Variants in TECPR1 observed in about 807,000 individuals in gnomAD.
The protein encoded by TECPR1 is tectonin beta-propeller repeat containing 1, also known as tectonin beta-propeller repeat-containing protein 1.
A neutral mutation model predicts 162.4 loss-of-function variants in TECPR1; 122 were observed. The observed-to-expected ratio is 0.75, with a 90% CI of 0.65 to 0.87. The LOEUF (loss-of-function observed/expected upper bound fraction) is 0.87, where lower values mean the gene tolerates loss of function less well. Ranked by LOEUF, TECPR1 falls within the 40% of genes least tolerant of loss-of-function variation. The pLI, the probability that TECPR1 is intolerant of heterozygous loss-of-function variation, is 0.00. For synonymous variants in TECPR1, 642 were observed against 670.6 expected (o/e 0.96, Z 0.66); for missense variants, 1,432 against 1,618.2 (o/e 0.88, Z 1.97).
chr7:98,221,843 C>T (rs758495571), intron 22 of TECPR1, 90 bp from the exon 23 acceptor site: 29 of 992,334 alleles, frequency 2.9e-5, no homozygotes, highest in African/African-American at 4.9e-5. Flanking sequence ...AGCTGCCTCT[C>T]GGATGTGTAG....
At position 98,232,079 on chromosome 7, in the gene TECPR1, C is replaced by G; in HGVS notation, c.1819-120G>C. The G allele has an allele frequency of 1.8e-6, 2 of 1,087,918 alleles. No homozygotes were observed. Among genetic ancestry groups the G allele is most frequent in the East Asian group, 2.6e-5 (1 of 38,226 alleles). 67.4% of individuals were successfully genotyped at this position (1,087,918 alleles called of 1,614,324 possible). A position where few individuals can be genotyped will look rare whatever the true frequency, so the allele number is the denominator to read the frequency against. ...CTGGGGTAGGGCCCACCCAGCACTC[C>G]CGGCTGTCAGCCCAGCTCCCCCTAT... is the stretch of plus-strand genomic sequence containing the variant. On this transcript the variant is annotated intron_variant, in intron 12 of 25. Transcript: ENST00000447648. The surrounding 1 kb of genome is among the most constrained non-coding windows in gnomAD (Gnocchi z 4.6).
At chr7:98,236,550 C>T (rs898412073) in intron 10 of TECPR1, among the ~76,000 whole-genome samples, 8 of 151,760 alleles carry the variant, frequency 5.3e-5, no homozygotes, top group African/African-American at 1.9e-4. Context: ...GTATGTCAAA[C>T]ACCTCCAGTG....
chr7:98,226,705 A>G, intron 17 of TECPR1: 2 of 1,213,088 alleles, frequency 1.6e-6, no homozygotes, highest in Non-Finnish European at 1.1e-6. Flanking sequence ...TGGGAGGCTG[A>G]GGCGGGCTTC....
chr7:98,246,587 T>C (rs899630958), intron 2 of TECPR1, among the ~76,000 whole-genome samples: 1 of 151,536 alleles, frequency 6.6e-6, no homozygotes, highest in Non-Finnish European at 1.5e-5. Context: ...TTTCTTTTTT[T>C]GTTTATTTTT....
At position 98,218,041 on chromosome 7, in the gene TECPR1, T is replaced by C; in HGVS notation, c.3159A>G (p.Gly1053=). ...QTSVYALDEN[G]NLWYRQGITP... is the part of the protein sequence containing the mutation. ...TGATCCCTTGGCGATACCACAGGTT[T>C]CCTGGGGAGAAAAGCAGTGAGGGTC... The change falls in exon 24 of 26, where the codon GGA becomes GGG. Residue 1053 remains glycine, a splice_region_variant and synonymous_variant. Coordinates refer to ENST00000447648, the MANE Select transcript of TECPR1 (RefSeq NM_015395.3). 1 of 1,560,774 alleles carries C rather than the reference T, an allele frequency of 6.4e-7. No homozygotes were observed. Among genetic ancestry groups the C allele is most frequent in the Non-Finnish European group, 8.7e-7 (1 of 1,152,984 alleles).
intron 10 of TECPR1, among the ~76,000 whole-genome samples, chr7:98,235,538 A>AAG (rs1404879677): frequency 1.3e-5 from 2 of 149,188 alleles, no homozygotes; most frequent in Non-Finnish European, 3.0e-5. Flanking sequence ...AAAAAAAAAA[A>AAG]AAGAACTACC....
chr7:98,217,910 G>T (rs1798054774), intron 24 of TECPR1, 26 bp downstream of exon 24: 2 of 1,548,976 alleles, frequency 1.3e-6, no homozygotes, highest in East Asian at 4.9e-5. Context: ...CACCCCAAGT[G>T]CCCGATACCC....
rs748912401 is a variant in TECPR1, at chr7:98,244,899, G to A, written c.394C>T (p.Pro132Ser). The A allele has an allele frequency of 1.1e-4, 183 of 1,612,992 alleles. 2 individuals carry two copies. The South Asian group carries it at 1.6e-3, about 15-fold the overall frequency. Residue 132 changes from proline to serine, a missense_variant, in exon 4 of 26, where the codon CCC becomes TCC. By Grantham distance (74) the Pro-to-Ser change is moderately conservative. Transcript: ENST00000447648. ...AGTTCACCTACCCCTTTCTCAGTGGGTTCACCTCCAAAATTCTCATCCACG... is the reference window on the plus strand; with the variant it reads ...AGTTCACCTACCCCTTTCTCAGTGGATTCACCTCCAAAATTCTCATCCACG... ...WYVDENFGGEPTEKGGWTYAI... is the reference protein window; with the variant it reads ...WYVDENFGGESTEKGGWTYAI...
intron 5 of TECPR1, 84 bp from the exon 6 acceptor site, chr7:98,243,676 CG>C: frequency 6.7e-7 from 1 of 1,500,318 alleles, no homozygotes; most frequent in South Asian, 1.3e-5. Context: ...GCCTGCCATC[CG>C]GACTTCCATT....
chr7:98,218,644 G>T (rs542827626), intron 23 of TECPR1, among the ~76,000 whole-genome samples: 1 of 152,250 alleles, frequency 6.6e-6, no homozygotes, highest in Admixed American at 6.5e-5. Context: ...AAATACCTGG[G>T]AATGTACTTA....
In TECPR1 at chr7:98,229,046, G is replaced by A. The variant is rs1330607452; in HGVS notation, c.2403C>T (p.Cys801=). The A allele has an allele frequency of 6.2e-7, 1 of 1,600,264 alleles. No homozygotes were observed. The highest frequency in any genetic ancestry group is 1.7e-5 in the Admixed American group (1 of 58,458). Residue 801 remains cysteine (C), a synonymous_variant, in exon 16 of 26, where the codon TGC becomes TGT. Transcript: ENST00000447648. ...GCTGTGGGCCGCCCTCACCTTGGAA[G>A]CAGCCGCCTCCATAGCCGCCTGTGT... The part of the protein sequence containing the change: ...WVYTGGYGGG[C]FQGLASSTSN...
chr7:98,222,750 G>A (rs374728600), intron 21 of TECPR1: 17 of 783,210 alleles, frequency 2.2e-5, no homozygotes, highest in African/African-American at 1.4e-4. Flanking sequence ...GCACCTCACC[G>A]GGGTGCTGAC....
In TECPR1 at chr7:98,232,975, G is replaced by A. The variant is rs575856381; in HGVS notation, c.1673-3C>T. On this transcript the variant is annotated splice_polypyrimidine_tract_variant and splice_region_variant and intron_variant, in intron 11 of 25. Transcript: ENST00000447648. This position sits in a 1 kb window ranked among gnomAD's most constrained non-coding sequence, Gnocchi z 4.6. ...CATGTGTACCGAGGAGGACAGGCCT[G>A]TGGGGCAGAGAGAGCCTCAGGGCCG... The A allele has an allele frequency of 1.2e-6, 2 of 1,603,054 alleles. No homozygotes were observed. The highest frequency in any genetic ancestry group is 1.7e-6 in the Non-Finnish European group (2 of 1,174,344).
chr7:98,240,942 C>A lies in TECPR1; in HGVS notation c.842G>T (p.Trp281Leu), dbSNP rs751867408. 6.2e-7 allele frequency: 1 copy of A among 1,606,744 alleles called. No individual in the cohort carries two copies. The highest frequency in any genetic ancestry group is 8.5e-7 in the Non-Finnish European group (1 of 1,177,792). Reference protein sequence around the residue: ...INRSNPKGSSWSIVEPPGSEN... With the variant: ...INRSNPKGSSLSIVEPPGSEN... ...AGATCCAGGAGGCTCCACGATGGAC[C>A]AGGAACTTCCTACCGGGCCCCCAAG... Residue 281 changes from tryptophan to leucine, a missense_variant, in exon 8 of 26, where the codon TGG (tryptophan) becomes TTG (leucine). Physicochemically the swap from Trp to Leu is moderately conservative, Grantham distance 61 (BLOSUM62 -2). Transcript: ENST00000447648.
At chr7:98,242,455 A>G (rs1027488226) in intron 6 of TECPR1, among the ~76,000 whole-genome samples, 2 of 150,130 alleles carry the variant, frequency 1.3e-5, no homozygotes, top group Non-Finnish European at 3.0e-5. Flanking sequence ...ACATCTGTCC[A>G]CCTGCACACA....
chr7:98,229,926 C>A (rs1798377714), intron 15 of TECPR1, among the ~76,000 whole-genome samples: 1 of 151,792 alleles, frequency 6.6e-6, no homozygotes, highest in East Asian at 1.9e-4. Context: ...ATGTCCCCTG[C>A]CGGGCCCTTG....
In TECPR1 at chr7:98,222,477, G is replaced by A. The variant is rs570872157; in HGVS notation, c.2973C>T (p.Ser991=). The change falls in exon 22 of 26, where the codon TCC becomes TCT. Residue 991 remains serine (S), a synonymous_variant. Transcript: ENST00000447648. The part of the protein sequence containing the change: ...LHVGTDQPFA[S]ISIGACYQVW... ...CCTGGTAGCAGGCCCCGATGGAGAT[G>A]GAGGCGAAGGGCTGGTCGGTGCCAA... 3 of 1,594,204 alleles carry A rather than the reference G, an allele frequency of 1.9e-6. No individual in the cohort carries two copies. Among genetic ancestry groups the A allele is most frequent in the African/African-American group, 2.7e-5 (2 of 74,610 alleles).
At position 98,244,589 on chromosome 7, in the gene TECPR1, G is replaced by A. The variant is rs1194599660; in HGVS notation, c.513C>T (p.Ser171=). ...CAGAGACCTTGGCCCAGATGTCCCG[G>A]GACTTGTATCTCCTGTACCGGATCC... ...RKWIRYRRYK[S]RDIWAKIPSK... The change falls in exon 5 of 26, where the codon TCC becomes TCT. Residue 171 remains serine, a synonymous_variant. Coordinates refer to ENST00000447648, the MANE Select transcript of TECPR1 (RefSeq NM_015395.3). The A allele has an allele frequency of 6.2e-7, 1 of 1,610,604 alleles. No individual in the cohort carries two copies. The highest frequency in any genetic ancestry group is 1.1e-5 in the South Asian group (1 of 90,934).
intron 22 of TECPR1, among the ~76,000 whole-genome samples, 152 bp from the exon 23 acceptor site, chr7:98,221,905 C>A (rs1044686802): frequency 6.6e-6 from 1 of 152,168 alleles, no homozygotes; most frequent in South Asian, 2.1e-4. Flanking sequence ...TGCCGTCCAC[C>A]CAGCACTGTG....
Sources: gnomAD v4.1 joint callset for allele counts (sites outside exome capture counted in the v4.1 genomes callset) on GRCh38, gnomAD v4.1.1 for gene constraint, Gnocchi (gnomAD v3.1) non-coding constraint, MANE v1.5 for transcripts, NCBI Gene and HGNC (gene_info 2026-07-23, HGNC 2026-07-21) for gene names.